TCF20: variants seen among roughly 807,000 people sequenced by gnomAD.
TCF20 encodes the protein transcription factor 20.
TCF20 carries 3 observed loss-of-function variants against 148.6 expected under a neutral mutation model. The observed-to-expected ratio is 0.02, with a 90% CI of 0.01 to 0.05. TCF20 has a LOEUF of 0.05. Ranked by LOEUF, TCF20 falls within the 10% of genes least tolerant of loss-of-function variation. The probability of loss-of-function intolerance (pLI) is 1.00; values close to 1 mark genes in which losing one functional copy is unlikely to be tolerated. For missense variants in TCF20, 2,350 were observed against 2,429.3 expected, an observed-to-expected ratio of 0.97 and a Z score of 0.69; for synonymous variants, 1,049 against 909.5, an observed-to-expected ratio of 1.15 and a Z score of -2.76.
rs1327213820 is a variant in TCF20 at position 42,338,045 on chromosome 22, G to C, written c.-37+5434C>G. ...CACCAGTCACTGTGGCCAGAGGGAG[G>C]GGGTACTGGGCCCCACCTGGGTCCA... On this transcript the variant is annotated intron_variant, in intron 1 of 1. Coordinates refer to the TCF20 transcript ENST00000515426. The surrounding 1 kb of genome is among the most constrained non-coding windows in gnomAD (Gnocchi z 4.0). 6.6e-6 allele frequency among the ~76,000 whole-genome samples: 1 copy of C among 152,182 alleles called. No homozygotes were observed. Among genetic ancestry groups the C allele is most frequent in the Non-Finnish European group, 1.5e-5 (1 of 68,038 alleles).
chr22:42,234,522 C>T (rs1923705240), intron 1 of TCF20, among the ~76,000 whole-genome samples: 1 of 152,146 alleles, frequency 6.6e-6, no homozygotes, highest in African/African-American at 2.4e-5. Context: ...GGAGGTGAGT[C>T]AACACACTCT....
At chr22:42,284,728 G>C (rs1223197758), upstream of TCF20, among the ~76,000 whole-genome samples, 2 of 152,216 alleles carry the variant, frequency 1.3e-5, no homozygotes, top group African/African-American at 2.4e-5. Context: ...GGCCTGGCCT[G>C]GGGTCCTGGC....
Position 42,213,011 on chromosome 22 carries a change from G to T in TCF20, c.2295C>A (p.Asp765Glu). ...CTTGAGTACTCCTAGAATATCTCCT[G>T]TCAGGGTGGTGGTGGTAACCCTGAA... ...EVLQGYHHHP[D>E]RRYSRSTQEH... The change falls in exon 2 of 6, where the codon GAC becomes GAA. Residue 765 changes from aspartate (D) to glutamate (E), a missense_variant. Asp to Glu is a conservative substitution (Grantham distance 45, BLOSUM62 2). Coordinates refer to ENST00000677622, the MANE Select transcript of TCF20 (RefSeq NM_001378418.1). The T allele has an allele frequency of 6.2e-7, 1 of 1,614,086 alleles. No homozygotes were observed. The highest frequency in any genetic ancestry group is 8.5e-7 in the Non-Finnish European group (1 of 1,180,016).
At chr22:42,315,250 G>A (rs1436613696) in intron 1 of TCF20, among the ~76,000 whole-genome samples, 2 of 152,178 alleles carry the variant, frequency 1.3e-5, no homozygotes, top group African/African-American at 2.4e-5. Context: ...ATGAAAAGTG[G>A]GAGAAGCCAG....
chr22:42,295,545 G>C (rs1217060491), intron 1 of TCF20, among the ~76,000 whole-genome samples: 1 of 151,140 alleles, frequency 6.6e-6, no homozygotes. Context: ...CCAGGTTCAA[G>C]CAATTCTCCT....
At chr22:42,218,534 T>C (rs185100974) in intron 1 of TCF20, among the ~76,000 whole-genome samples, 24 of 152,264 alleles carry the variant, frequency 1.6e-4, no homozygotes, top group South Asian at 6.2e-4. Context: ...GGGGGCTAAA[T>C]TGAACAAAAA....
chr22:42,337,769 A>T (rs1601711690), intron 1 of TCF20, among the ~76,000 whole-genome samples: 1 of 152,166 alleles, frequency 6.6e-6, no homozygotes, highest in Non-Finnish European at 1.5e-5. Flanking sequence ...AAATTAAGTC[A>T]CCTATCCATC....
At chr22:42,239,246 G>A (rs1924168725) in intron 1 of TCF20, among the ~76,000 whole-genome samples, 1 of 152,130 alleles carries the variant, frequency 6.6e-6, no homozygotes, top group African/African-American at 2.4e-5. Flanking sequence ...GGAGGCCGAA[G>A]CGGGTGGATC....
chr22:42,264,587 T>C (rs1469693307), intron 1 of TCF20, among the ~76,000 whole-genome samples: 2 of 152,238 alleles, frequency 1.3e-5, no homozygotes, highest in African/African-American at 4.8e-5. Flanking sequence ...ATTTACTTTG[T>C]TTAATGTCAT....
At chr22:42,311,968 C>T (rs1569206893) in intron 1 of TCF20, among the ~76,000 whole-genome samples, 1 of 152,176 alleles carries the variant, frequency 6.6e-6, no homozygotes, top group Non-Finnish European at 1.5e-5. Context: ...CTTAGGGCAA[C>T]AGTTATGCCA....
At chr22:42,269,757 C>T (rs1926492463) in intron 1 of TCF20, 1 of 152,852 alleles carries the variant, frequency 6.5e-6, no homozygotes, top group Non-Finnish European at 1.5e-5. Context: ...CCTCCGCCCC[C>T]AACAGGCGAG....
At chr22:42,235,771 C>T (rs949703516) in intron 1 of TCF20, among the ~76,000 whole-genome samples, 5 of 152,164 alleles carry the variant, frequency 3.3e-5, no homozygotes, top group South Asian at 2.1e-4. Flanking sequence ...GTTAACCTAC[C>T]TTGCCACCAC....
intron 1 of TCF20, among the ~76,000 whole-genome samples, chr22:42,257,630 T>TATAAGGAC (rs1925810464): frequency 6.6e-6 from 1 of 152,222 alleles, no homozygotes; most frequent in Admixed American, 6.5e-5. Flanking sequence ...CAGCCCTGAC[T>TATAAGGAC]ATAAGGACCT....
In TCF20 at chr22:42,290,025, C is replaced by T. The variant is rs1193992977; in HGVS notation, c.-37+53454G>A. ...GTGTGCAGGCGGCCGGGGCGATGTT[C>T]CAGGAATATTAATTCTCCACAGCCG... On this transcript the variant is annotated intron_variant, in intron 1 of 1. Transcript: ENST00000515426. The surrounding 1 kb of genome is among the most constrained non-coding windows in gnomAD (Gnocchi z 4.2). Among the ~76,000 whole-genome samples, 1 of 152,240 alleles carries T rather than the reference C, an allele frequency of 6.6e-6. No homozygotes were observed. Among genetic ancestry groups the T allele is most frequent in the Non-Finnish European group, 1.5e-5 (1 of 68,046 alleles).
chr22:42,336,628 C>T (rs1448591617), intron 1 of TCF20, among the ~76,000 whole-genome samples: 1 of 152,206 alleles, frequency 6.6e-6, no homozygotes, highest in African/African-American at 2.4e-5. Context: ...CCTGGCCCTA[C>T]TGGCCCACAT....
chr22:42,323,946 G>A (rs1217123119), intron 1 of TCF20, among the ~76,000 whole-genome samples: 1 of 115,612 alleles, frequency 8.6e-6, no homozygotes, highest in Non-Finnish European at 1.9e-5. Flanking sequence ...TGGTGGTGAT[G>A]GAGGTTATGG....
intron 1 of TCF20, among the ~76,000 whole-genome samples, chr22:42,222,344 T>C (rs145566136): frequency 0.014 from 2,155 of 152,304 alleles, 19 homozygotes; most frequent in Non-Finnish European, 0.023. Context: ...TACCTCATCA[T>C]GACACTACTC....
chr22:42,319,797 G>A (rs2088770354), intron 1 of TCF20, among the ~76,000 whole-genome samples: 1 of 152,184 alleles, frequency 6.6e-6, no homozygotes, highest in Admixed American at 6.5e-5. Flanking sequence ...AGGCGAGGAG[G>A]CCGGGGAAGC....
chr22:42,315,523 A>C (rs1048255053), intron 1 of TCF20, among the ~76,000 whole-genome samples: 3 of 152,222 alleles, frequency 2.0e-5, no homozygotes, highest in African/African-American at 7.2e-5. Context: ...CTATTCACTC[A>C]ACAAACTTTC....
Sources: gnomAD v4.1 joint callset for allele counts (sites outside exome capture counted in the v4.1 genomes callset) on GRCh38, gnomAD v4.1.1 for gene constraint, Gnocchi (gnomAD v3.1) non-coding constraint, MANE v1.5 for transcripts, NCBI Gene and HGNC (gene_info 2026-07-23, HGNC 2026-07-21) for gene names.